The following CFDP1 variants were observed in gnomAD, a reference collection of about 807,000 sequenced individuals.
CFDP1 encodes heterochromatin-stabilizing protein CFDP1.
Under a neutral mutation model 40.1 loss-of-function variants are expected in CFDP1, and 31 were observed. That is an observed-to-expected ratio of 0.77 (90% CI 0.58 to 1.04). The LOEUF is 1.04. CFDP1 is among the 50% of genes least tolerant of loss of function. CFDP1 has a pLI of 0.00. For synonymous variants in CFDP1, 167 were observed against 120.0 expected (o/e 1.39, Z -2.56); for missense variants, 423 against 343.4 (o/e 1.23, Z -1.83).
chr16:75,310,233 A>G (rs2078286857), intron 5 of CFDP1, among the ~76,000 whole-genome samples: 2 of 152,194 alleles, frequency 1.3e-5, no homozygotes, highest in Non-Finnish European at 2.9e-5. Context: ...CTTCCATGCC[A>G]TAAGAGAGAG....
intron 5 of CFDP1, among the ~76,000 whole-genome samples, chr16:75,393,737 C>CAAAAAA (rs61344775): frequency 1.1e-4 from 9 of 80,620 alleles, no homozygotes; most frequent in African/African-American, 4.1e-4. Context: ...GACTCCGTCG[C>CAAAAAA]AAAAAAAAAA....
In CFDP1 at chr16:75,429,803, A is replaced by G. The variant is rs1038898804; in HGVS notation, c.64+3486T>C. On this transcript the variant is annotated intron_variant, in intron 1 of 6. Transcript: ENST00000283882. Reference sequence around the variant, plus strand: ...ATGATTTATACAATTCTAAAAGTTTAGAGTCAAATTAGCAGTGTCGACGAA... The same window carrying G: ...ATGATTTATACAATTCTAAAAGTTTGGAGTCAAATTAGCAGTGTCGACGAA... Among the ~76,000 whole-genome samples, 3 of 152,232 alleles carry G rather than the reference A, an allele frequency of 2.0e-5. No individual in the cohort carries two copies. In the East Asian group the frequency reaches 5.8e-4, roughly 29 times the overall value.
chr16:75,399,819 C>A (rs367890433), intron 4 of CFDP1, among the ~76,000 whole-genome samples: 1 of 151,960 alleles, frequency 6.6e-6, no homozygotes, highest in South Asian at 2.1e-4. Flanking sequence ...TTTTTAAAAT[C>A]GGCTGGGCGT....
intron 6 of CFDP1, among the ~76,000 whole-genome samples, chr16:75,295,136 G>A (rs2078173627): frequency 6.6e-6 from 1 of 152,194 alleles, no homozygotes; most frequent in Non-Finnish European, 1.5e-5. Context: ...CATTTATAGT[G>A]AGAATGCTAC....
At chr16:75,383,636 T>C (rs569033928) in intron 5 of CFDP1, among the ~76,000 whole-genome samples, 20 of 152,024 alleles carry the variant, frequency 1.3e-4, no homozygotes, top group African/African-American at 3.4e-4. Context: ...CTTGCCAATA[T>C]GGTGAAACCC....
intron 5 of CFDP1, among the ~76,000 whole-genome samples, chr16:75,338,058 G>T (rs1184104206): frequency 6.6e-6 from 1 of 152,182 alleles, no homozygotes; most frequent in Non-Finnish European, 1.5e-5. Context: ...TGAAACTGCT[G>T]CAACTTTTAC....
At chr16:75,340,315 T>C (rs2078518101) in intron 5 of CFDP1, among the ~76,000 whole-genome samples, 1 of 152,234 alleles carries the variant, frequency 6.6e-6, no homozygotes, top group Admixed American at 6.5e-5. Context: ...GAAGAATTCA[T>C]TTTTGGTTAC....
intron 5 of CFDP1, among the ~76,000 whole-genome samples, chr16:75,309,359 C>T (rs2078278394): frequency 1.3e-5 from 2 of 151,972 alleles, no homozygotes; most frequent in African/African-American, 2.4e-5. Context: ...GGGGCGCTGA[C>T]CCTATTCTGA....
chr16:75,336,466 G>A (rs2078488333), intron 5 of CFDP1, among the ~76,000 whole-genome samples: 1 of 152,216 alleles, frequency 6.6e-6, no homozygotes, highest in Admixed American at 6.5e-5. Context: ...GTCAGAAACA[G>A]AAAAGAGAGT....
At chr16:75,414,936 T>C (rs2079191699) in intron 1 of CFDP1, among the ~76,000 whole-genome samples, 1 of 152,128 alleles carries the variant, frequency 6.6e-6, no homozygotes, top group African/African-American at 2.4e-5. Flanking sequence ...CCAAAACTCA[T>C]CCCACTTATA....
At chr16:75,347,952 A>C (rs2078581376) in intron 5 of CFDP1, among the ~76,000 whole-genome samples, 1 of 152,244 alleles carries the variant, frequency 6.6e-6, no homozygotes, top group African/African-American at 2.4e-5. Context: ...CATGAAAAAT[A>C]AATATAGGCT....
At chr16:75,340,039 A>G (rs1328080466) in intron 5 of CFDP1, among the ~76,000 whole-genome samples, 3 of 152,178 alleles carry the variant, frequency 2.0e-5, no homozygotes, top group Admixed American at 1.3e-4. Flanking sequence ...TGCATGCCTC[A>G]ATAGGACAGA....
intron 6 of CFDP1, among the ~76,000 whole-genome samples, chr16:75,302,412 C>G (rs1286423885): frequency 6.6e-6 from 1 of 152,192 alleles, no homozygotes; most frequent in Non-Finnish European, 1.5e-5. Flanking sequence ...AGGTGTGCAC[C>G]ACGTCCAACT....
At chr16:75,394,451 T>G (rs965175062) in intron 5 of CFDP1, among the ~76,000 whole-genome samples, 1 of 152,216 alleles carries the variant, frequency 6.6e-6, no homozygotes, top group African/African-American at 2.4e-5. Context: ...ATCTTTGATC[T>G]TTTTATGTTC....
chr16:75,427,275 G>C (rs2079352639), intron 1 of CFDP1, among the ~76,000 whole-genome samples: 1 of 151,356 alleles, frequency 6.6e-6, no homozygotes, highest in South Asian at 2.1e-4. Flanking sequence ...TTTCGAGACA[G>C]TGTCTCGCTC....
intron 4 of CFDP1, among the ~76,000 whole-genome samples, chr16:75,408,653 G>A (rs1391241833): frequency 6.6e-6 from 1 of 151,694 alleles, no homozygotes; most frequent in African/African-American, 2.4e-5. Flanking sequence ...GCAGGCACCT[G>A]TAATCCCAGC....
At chr16:75,327,455 GA>G (rs1339391070) in intron 5 of CFDP1, among the ~76,000 whole-genome samples, 4 of 150,496 alleles carry the variant, frequency 2.7e-5, no homozygotes, top group Non-Finnish European at 5.9e-5. Flanking sequence ...GGGAATGGGG[GA>G]AGGGGACAGA....
chr16:75,360,135 TC>T (rs2078671998), intron 5 of CFDP1, among the ~76,000 whole-genome samples: 2 of 152,086 alleles, frequency 1.3e-5, no homozygotes, highest in South Asian at 4.1e-4. Flanking sequence ...CAAGCAATCC[TC>T]CCATCCTGGC....
rs1158069531 is a variant in CFDP1 at position 75,296,948 on chromosome 16, C to T, written c.810-2906G>A. Among the ~76,000 whole-genome samples, 4 of 152,182 alleles carry T rather than the reference C, an allele frequency of 2.6e-5. No individual in the cohort carries two copies. The East Asian group carries it at 7.7e-4, about 29-fold the overall frequency. On this transcript the variant is annotated intron_variant, in intron 6 of 6. Coordinates refer to ENST00000283882, the MANE Select transcript of CFDP1 (RefSeq NM_006324.3). ...GAAAAGGTACTAAGAATGACAGTAG[C>T]TCTGACATTTAGTTTTTGTGTGACT...
Sources: gnomAD v4.1 joint callset for allele counts (sites outside exome capture counted in the v4.1 genomes callset) on GRCh38, gnomAD v4.1.1 for gene constraint, MANE v1.5 for transcripts, NCBI Gene and HGNC (gene_info 2026-07-23, HGNC 2026-07-21) for gene names.